C8orf82: variants seen among roughly 807,000 people sequenced by gnomAD.
C8orf82 encodes the protein UPF0598 protein C8orf82.
C8orf82 carries 24 observed loss-of-function variants against 15.0 expected under a neutral mutation model. The observed-to-expected ratio is 1.60, with a 90% CI of 1.16 to 2.24. The LOEUF (loss-of-function observed/expected upper bound fraction) is 2.24. C8orf82 is among the 30% of genes most tolerant of loss of function. The pLI is 0.00. For missense variants in C8orf82, 388 were observed against 317.4 expected (o/e 1.22, Z -1.69); for synonymous variants, 205 against 152.2 (o/e 1.35, Z -2.55).
chr8:144,528,155 G>A, intron 1 of C8orf82, 83 bp from the exon 2 acceptor site: 1 of 1,569,630 alleles, frequency 6.4e-7, no homozygotes. Flanking sequence ...AGCTCGGGAG[G>A]TCCTGAACCG....
chr8:144,526,676 C>G lies in C8orf82; in HGVS notation c.*666G>C, dbSNP rs1816372793. 6.6e-6 allele frequency: 1 copy of G among 152,282 alleles called. No homozygotes were observed. Among genetic ancestry groups the G allele is most frequent in the Non-Finnish European group, 1.5e-5 (1 of 68,060 alleles). The allele number at this position is 152,282 out of a possible 1,614,324, so 9.4% of individuals were successfully genotyped here. A position where few individuals can be genotyped will look rare whatever the true frequency, so the allele number is the denominator to read the frequency against. On this transcript the variant is annotated 3_prime_UTR_variant, in exon 3 of 3. Transcript: ENST00000524821. Reference sequence around the variant, plus strand: ...CGGGGAGGGAAGAGGATGGAACGCCCTGTGTCTGCCTCGGGCGCAGTGCGA... The same window carrying G: ...CGGGGAGGGAAGAGGATGGAACGCCGTGTGTCTGCCTCGGGCGCAGTGCGA...
rs1332466131 is a variant in C8orf82 at position 144,529,029 on chromosome 8, G to A, written c.-113C>T. 3 of 1,136,338 alleles carry A rather than the reference G, an allele frequency of 2.6e-6. No homozygotes were observed. The highest frequency in any genetic ancestry group is 3.5e-6 in the Non-Finnish European group (3 of 868,116). 70.4% of individuals were successfully genotyped at this position (1,136,338 alleles called of 1,614,324 possible). On this transcript the variant is annotated 5_prime_UTR_variant, in exon 1 of 3. Coordinates refer to ENST00000524821, the MANE Select transcript of C8orf82 (RefSeq NM_001001795.2). ...GCGTTCCGGCGGCGCCCGCCTCCGCGACCCGGGCCCGGCGCTCTTCCCTCT... is the reference window on the plus strand; with the variant it reads ...GCGTTCCGGCGGCGCCCGCCTCCGCAACCCGGGCCCGGCGCTCTTCCCTCT...
rs918767631 is a variant in C8orf82, at chr8:144,528,939, C to A, written c.-23G>T. ...CATTCTCCTCCCGCGCCGGAAGCGACCAGCAGGTCACGCCGGGGGCGGTGC... is the reference window on the plus strand; with the variant it reads ...CATTCTCCTCCCGCGCCGGAAGCGAACAGCAGGTCACGCCGGGGGCGGTGC... On this transcript the variant is annotated 5_prime_UTR_variant, in exon 1 of 3. Coordinates refer to ENST00000524821, the MANE Select transcript of C8orf82 (RefSeq NM_001001795.2). 1.3e-6 allele frequency: 2 copies of A among 1,497,232 alleles called. No individual in the cohort carries two copies. The highest frequency in any genetic ancestry group is 2.3e-5 in the Admixed American group (1 of 43,860). The allele number at this position is 1,497,232 out of a possible 1,614,324, so 92.7% of individuals were successfully genotyped here. A position where few individuals can be genotyped will look rare whatever the true frequency, so the allele number is the denominator to read the frequency against.
Position 144,528,989 on chromosome 8 carries a change from G to A in C8orf82, c.-73C>T, listed in dbSNP as rs1816522256. ...CTGCGCGAACTCGCGCCTGCCCGCA[G>A]TAGCCCCGCGCTTCGCGTTCCGGCG... On this transcript the variant is annotated 5_prime_UTR_variant, in exon 1 of 3. Coordinates refer to ENST00000524821, the MANE Select transcript of C8orf82 (RefSeq NM_001001795.2). 7.2e-7 allele frequency: 1 copy of A among 1,385,088 alleles called. No individual in the cohort carries two copies. 85.8% of individuals were successfully genotyped at this position (1,385,088 alleles called of 1,614,324 possible). A position where few individuals can be genotyped will look rare whatever the true frequency, so the allele number is the denominator to read the frequency against.
rs1816364665 is a variant in C8orf82 at position 144,526,476 on chromosome 8, T to C, written c.*866A>G. On this transcript the variant is annotated 3_prime_UTR_variant, in exon 3 of 3. Transcript: ENST00000524821. Reference sequence around the variant, plus strand: ...CTGCTCACGCTGACCCCCCACTAGATGCAGATCGGTGTAGAAAGGCCTGCC... The same window carrying C: ...CTGCTCACGCTGACCCCCCACTAGACGCAGATCGGTGTAGAAAGGCCTGCC... 1 of 152,192 alleles carries C rather than the reference T, an allele frequency of 6.6e-6. No individual in the cohort carries two copies. Among genetic ancestry groups the C allele is most frequent in the Non-Finnish European group, 1.5e-5 (1 of 68,060 alleles). The allele number at this position is 152,192 out of a possible 1,614,324, so 9.4% of individuals were successfully genotyped here.
Position 144,528,834 on chromosome 8 carries a change from AC to A in C8orf82, c.82del (p.Val28PhefsTer33). 6.6e-7 allele frequency: 1 copy of A among 1,517,470 alleles called. No individual in the cohort carries two copies. The highest frequency in any genetic ancestry group is 8.8e-7 in the Non-Finnish European group (1 of 1,135,038). 94.0% of individuals were successfully genotyped at this position (1,517,470 alleles called of 1,614,324 possible). Reference protein sequence around the residue: ...GARACSGDGGVSYTQGQSPEP... With the variant: ...GARACSGDGGXSYTQGQSPEP... Reference sequence around the variant, plus strand: ...CGGACTCTGGCCCTGCGTGTAGGAAACGCCCCCATCCCCGCTGCAGGCCCGG... The same window carrying A: ...CGGACTCTGGCCCTGCGTGTAGGAAAGCCCCCATCCCCGCTGCAGGCCCGG... On this transcript the variant is annotated frameshift_variant, in exon 1 of 3. Coordinates refer to ENST00000524821, the MANE Select transcript of C8orf82 (RefSeq NM_001001795.2). LOFTEE classifies it high-confidence loss of function.
intron 2 of C8orf82, 78 bp from the exon 3 acceptor site, chr8:144,527,865 C>T: frequency 6.5e-7 from 1 of 1,540,828 alleles, no homozygotes; most frequent in Non-Finnish European, 8.9e-7. Context: ...CGAGGGCAGG[C>T]GCCGACGGTA....
rs756452621 is a variant in C8orf82, at chr8:144,528,946, G to A, written c.-30C>T. ...CTCCCGCGCCGGAAGCGACCAGCAG[G>A]TCACGCCGGGGGCGGTGCTGCGCGA... On this transcript the variant is annotated 5_prime_UTR_variant, in exon 1 of 3. Transcript: ENST00000524821. 3 of 1,493,142 alleles carry A rather than the reference G, an allele frequency of 2.0e-6. No individual in the cohort carries two copies. Among genetic ancestry groups the A allele is most frequent in the South Asian group, 2.5e-5 (2 of 78,766 alleles). The allele number at this position is 1,493,142 out of a possible 1,614,324, so 92.5% of individuals were successfully genotyped here.
rs1485926242 is a variant in C8orf82, at chr8:144,529,082, C to A, written c.-166G>T. ...CTCGGGCCTCGGGGGCTCGCCCGCC[C>A]TGGCCTTCCGAGAGGCGTGTGCCGG... On this transcript the variant is annotated 5_prime_UTR_variant, in exon 1 of 3. It adds an upstream start codon to the 5' untranslated region. Coordinates refer to ENST00000524821, the MANE Select transcript of C8orf82 (RefSeq NM_001001795.2). 3 of 640,152 alleles carry A rather than the reference C, an allele frequency of 4.7e-6. No homozygotes were observed. The highest frequency in any genetic ancestry group is 4.7e-6 in the Non-Finnish European group (2 of 426,638). 39.7% of individuals were successfully genotyped at this position (640,152 alleles called of 1,614,324 possible).
intron 1 of C8orf82, chr8:144,528,282 C>A (rs1816458538): frequency 4.0e-6 from 6 of 1,507,286 alleles, no homozygotes; most frequent in Non-Finnish European, 5.3e-6. Context: ...GCTCCCTGGT[C>A]AGCCAATTCT....
rs1348360595 is a variant in C8orf82 at position 144,529,055 on chromosome 8, C to A, written c.-139G>T. On this transcript the variant is annotated 5_prime_UTR_variant, in exon 1 of 3. Coordinates refer to ENST00000524821, the MANE Select transcript of C8orf82 (RefSeq NM_001001795.2). ...ACCCGGGCCCGGCGCTCTTCCCTCT[C>A]CCTCGGGCCTCGGGGGCTCGCCCGC... is the stretch of plus-strand genomic sequence containing the variant. 1.1e-6 allele frequency: 1 copy of A among 878,234 alleles called. No individual in the cohort carries two copies. Among genetic ancestry groups the A allele is most frequent in the East Asian group, 3.5e-5 (1 of 28,568 alleles). The allele number at this position is 878,234 out of a possible 1,614,324, so 54.4% of individuals were successfully genotyped here.
chr8:144,527,384 G>A lies in C8orf82; in HGVS notation c.609C>T (p.Thr203=). ...VRWQGRRLAL[T]MDLAPLLLAA... The stretch of plus-strand genomic sequence containing the variant: ...CGAGCAGCAGCGGGGCCAGGTCCAT[G>A]GTGAGGGCGAGGCGGCGGCCCTGCC... The change falls in exon 3 of 3, where the codon ACC becomes ACT. Residue 203 remains threonine (T), a synonymous_variant. Coordinates refer to ENST00000524821, the MANE Select transcript of C8orf82 (RefSeq NM_001001795.2). 4.0e-6 allele frequency: 5 copies of A among 1,240,686 alleles called. No individual in the cohort carries two copies. Among genetic ancestry groups the A allele is most frequent in the Non-Finnish European group, 4.1e-6 (4 of 986,756 alleles). 76.9% of individuals were successfully genotyped at this position (1,240,686 alleles called of 1,614,324 possible).
rs890068413 is a variant in C8orf82 at position 144,528,207 on chromosome 8, C to T, written c.157-135G>A. ...CCTGCTTGTCTGTGCACACCGCATG[C>T]AGGGAGGCGCGTGAAAGGTAAACCT... On this transcript the variant is annotated intron_variant, in intron 1 of 2. Coordinates refer to ENST00000524821, the MANE Select transcript of C8orf82 (RefSeq NM_001001795.2). 2.1e-5 allele frequency: 31 copies of T among 1,496,986 alleles called. No homozygotes were observed. In the Admixed American group the frequency reaches 5.7e-4, roughly 27 times the overall value. 92.7% of individuals were successfully genotyped at this position (1,496,986 alleles called of 1,614,324 possible).
chr8:144,527,945 C>T (rs2130804074), intron 2 of C8orf82, 79 bp downstream of exon 2: 1 of 1,543,444 alleles, frequency 6.5e-7, no homozygotes, highest in East Asian at 2.2e-5. Flanking sequence ...GCGCTGGGCC[C>T]GTCGGCAGAG....
At chr8:144,528,262 G>A (rs966111997) in intron 1 of C8orf82, 190 bp from the exon 2 acceptor site, 4 of 1,501,856 alleles carry the variant, frequency 2.7e-6, no homozygotes, top group Non-Finnish European at 3.6e-6. Flanking sequence ...CCGCGTCTAT[G>A]CGCACCTCTG....
intron 2 of C8orf82, 111 bp downstream of exon 2, chr8:144,527,913 C>G (rs1049195729): frequency 6.7e-7 from 1 of 1,496,978 alleles, no homozygotes; most frequent in Non-Finnish European, 9.3e-7. Flanking sequence ...GGCTCCTGAG[C>G]GCAGGACGCC....
In C8orf82 at chr8:144,527,749, G is replaced by A; in HGVS notation, c.244C>T (p.Pro82Ser). 6.3e-7 allele frequency: 1 copy of A among 1,594,656 alleles called. No homozygotes were observed. Among genetic ancestry groups the A allele is most frequent in the Non-Finnish European group, 8.5e-7 (1 of 1,177,620 alleles). The change falls in exon 3 of 3, where the codon CCC (proline) becomes TCC (serine). Residue 82 changes from proline (P) to serine (S), a missense_variant. By Grantham distance (74) the Pro-to-Ser change is moderately conservative. Coordinates refer to ENST00000524821, the MANE Select transcript of C8orf82 (RefSeq NM_001001795.2). Reference protein sequence around the residue: ...FLVTFFSRLRPNRSGRYEAAF... With the variant: ...FLVTFFSRLRSNRSGRYEAAF... ...GCCTCGTAGCGCCCGCTGCGGTTGGGTCTCAGGCGGGAGAAGAAGGTGACC... is the reference window on the plus strand; with the variant it reads ...GCCTCGTAGCGCCCGCTGCGGTTGGATCTCAGGCGGGAGAAGAAGGTGACC...
Position 144,528,853 on chromosome 8 carries a change from A to G in C8orf82, c.64T>C (p.Cys22Arg). The stretch of plus-strand genomic sequence containing the variant: ...TAGGAAACGCCCCCATCCCCGCTGC[A>G]GGCCCGGGCTCCCCGCGACCGCGCC... Reference protein sequence around the residue: ...ALARSRGARACSGDGGVSYTQ... With the variant: ...ALARSRGARARSGDGGVSYTQ... Residue 22 changes from cysteine (C) to arginine (R), a missense_variant, in exon 1 of 3, where the codon TGC becomes CGC. Coordinates refer to ENST00000524821, the MANE Select transcript of C8orf82 (RefSeq NM_001001795.2). The G allele has an allele frequency of 6.6e-7, 1 of 1,519,486 alleles. No homozygotes were observed. The highest frequency in any genetic ancestry group is 8.8e-7 in the Non-Finnish European group (1 of 1,135,776). The allele number at this position is 1,519,486 out of a possible 1,614,324, so 94.1% of individuals were successfully genotyped here.
rs1167475106 is a variant in C8orf82 at position 144,528,936 on chromosome 8, C to T, written c.-20G>A. 2.7e-6 allele frequency: 4 copies of T among 1,497,902 alleles called. No individual in the cohort carries two copies. Among genetic ancestry groups the T allele is most frequent in the Non-Finnish European group, 2.7e-6 (3 of 1,127,182 alleles). 92.8% of individuals were successfully genotyped at this position (1,497,902 alleles called of 1,614,324 possible). A position where few individuals can be genotyped will look rare whatever the true frequency, so the allele number is the denominator to read the frequency against. ...CCACATTCTCCTCCCGCGCCGGAAGCGACCAGCAGGTCACGCCGGGGGCGG... is the reference window on the plus strand; with the variant it reads ...CCACATTCTCCTCCCGCGCCGGAAGTGACCAGCAGGTCACGCCGGGGGCGG... On this transcript the variant is annotated 5_prime_UTR_variant, in exon 1 of 3. Transcript: ENST00000524821.
Sources: allele counts gnomAD v4.1 joint callset, GRCh38; gene constraint gnomAD v4.1.1; transcripts MANE v1.5; gene names NCBI Gene and HGNC (gene_info 2026-07-23, HGNC 2026-07-21).